VPS26C: variants seen among roughly 807,000 people sequenced by gnomAD.
VPS26C encodes vacuolar protein sorting-associated protein 26C.
A neutral mutation model predicts 30.6 loss-of-function variants in VPS26C; 19 were observed. The ratio of observed to expected loss-of-function variants is 0.62; its 90% CI spans 0.43 to 0.91. VPS26C has a LOEUF of 0.91. Among genes scored for constraint, VPS26C ranks in the 40% least tolerant of loss-of-function variants. The pLI is 0.00. For synonymous variants in VPS26C, 132 were observed against 151.5 expected, an observed-to-expected ratio of 0.87 and a Z score of 0.95; for missense variants, 318 against 385.1, an observed-to-expected ratio of 0.83 and a Z score of 1.46.
At chr21:37,255,487 C>T (rs558155209) in intron 1 of VPS26C, among the ~76,000 whole-genome samples, 7 of 152,146 alleles carry the variant, frequency 4.6e-5, no homozygotes, top group Admixed American at 1.3e-4. Flanking sequence ...ACCTGCCCAA[C>T]GGATCAGAGC....
chr21:37,248,408 A>G (rs1313361367), intron 1 of VPS26C, among the ~76,000 whole-genome samples: 1 of 152,160 alleles, frequency 6.6e-6, no homozygotes, highest in African/African-American at 2.4e-5. Flanking sequence ...CAAATATCCA[A>G]AATAAGAAAT....
At chr21:37,229,763 T>C (rs568551040) in intron 5 of VPS26C, among the ~76,000 whole-genome samples, 1 of 152,348 alleles carries the variant, frequency 6.6e-6, no homozygotes, top group South Asian at 2.1e-4. Context: ...GGTGGCCACC[T>C]GATCAGGCAG....
chr21:37,251,294 C>T (rs866574058), intron 1 of VPS26C, among the ~76,000 whole-genome samples: 1 of 152,046 alleles, frequency 6.6e-6, no homozygotes, highest in African/African-American at 2.4e-5. Context: ...AAAAGATGGT[C>T]GACAAACTAA....
chr21:37,235,881 T>TATA (rs1569233819), intron 3 of VPS26C, among the ~76,000 whole-genome samples: 19 of 139,668 alleles, frequency 1.4e-4, no homozygotes, highest in South Asian at 2.2e-4. Context: ...ATATATATAT[T>TATA]TTTTTTTTTA....
At chr21:37,249,969 A>G (rs994679580) in intron 1 of VPS26C, among the ~76,000 whole-genome samples, 2 of 152,208 alleles carry the variant, frequency 1.3e-5, no homozygotes, top group South Asian at 2.1e-4. Context: ...GGAATATTCA[A>G]TAAGTGATAC....
chr21:37,262,328 G>C (rs1009068000), intron 1 of VPS26C, among the ~76,000 whole-genome samples: 1 of 152,194 alleles, frequency 6.6e-6, no homozygotes, highest in African/African-American at 2.4e-5. Context: ...TTAACACTCA[G>C]TTTTCAAAAC....
Position 37,224,297 on chromosome 21 carries a change from C to T in VPS26C, c.*1247G>A, listed in dbSNP as rs2085876703. 1 of 152,176 alleles carries T rather than the reference C, an allele frequency of 6.6e-6. No homozygotes were observed. Among genetic ancestry groups the T allele is most frequent in the African/African-American group, 2.4e-5 (1 of 41,390 alleles). 9.4% of individuals were successfully genotyped at this position (152,176 alleles called of 1,614,324 possible). On this transcript the variant is annotated 3_prime_UTR_variant, in exon 8 of 8. Coordinates refer to ENST00000309117, the MANE Select transcript of VPS26C (RefSeq NM_006052.2). ...CTGTAATCTCAGCACTTTGGGAGGC[C>T]AAGACAGGAGGATCACTTGAGTCTA...
At chr21:37,254,645 T>C (rs1569240364) in intron 1 of VPS26C, among the ~76,000 whole-genome samples, 1 of 152,032 alleles carries the variant, frequency 6.6e-6, no homozygotes, top group Non-Finnish European at 1.5e-5. Context: ...ACCCCATCTC[T>C]ACTAAAAATA....
Position 37,223,796 on chromosome 21 carries a change from C to T in VPS26C, c.*1748G>A, listed in dbSNP as rs1007287361. On this transcript the variant is annotated 3_prime_UTR_variant, in exon 8 of 8. Coordinates refer to ENST00000309117, the MANE Select transcript of VPS26C (RefSeq NM_006052.2). ...TGTCACCAAACACTGTTTCAGGATA[C>T]TGGAAGTACATACAGCTTGGGAGGT... The T allele has an allele frequency of 6.6e-6, 1 of 152,236 alleles. No homozygotes were observed. The highest frequency in any genetic ancestry group is 1.5e-5 in the Non-Finnish European group (1 of 68,046). The allele number at this position is 152,236 out of a possible 1,614,324, so 9.4% of individuals were successfully genotyped here. A position where few individuals can be genotyped will look rare whatever the true frequency, so the allele number is the denominator to read the frequency against.
chr21:37,234,833 C>T (rs2086002937), intron 3 of VPS26C, among the ~76,000 whole-genome samples: 2 of 151,882 alleles, frequency 1.3e-5, no homozygotes, highest in South Asian at 2.1e-4. Context: ...AATATATATA[C>T]AATATATATA....
At chr21:37,238,202 C>G in intron 3 of VPS26C, 1 of 450,968 alleles carries the variant, frequency 2.2e-6, no homozygotes. Context: ...TGTGAGGTGG[C>G]CTGAAAAGAG....
Position 37,228,363 on chromosome 21 carries a change from A to C in VPS26C, c.518T>G (p.Leu173Arg). The C allele has an allele frequency of 6.2e-7, 1 of 1,614,152 alleles. No individual in the cohort carries two copies. Among genetic ancestry groups the C allele is most frequent in the Admixed American group, 1.7e-5 (1 of 60,034 alleles). ...TLQNVKERAL[L>R]PKFLLRGHLN... ...ATGTCCTCGAAGGAGAAATTTGGGA[A>C]GCAAAGCTCTCTAAAACAAAATGAA... The change falls in exon 6 of 8, where the codon CTT (leucine) becomes CGT (arginine). Residue 173 changes from leucine to arginine, a missense_variant. Transcript: ENST00000309117.
intron 5 of VPS26C, chr21:37,231,957 CCT>C (rs2085969307): frequency 1.1e-5 from 2 of 180,098 alleles, no homozygotes; most frequent in Admixed American, 1.1e-4. Flanking sequence ...TGCTGCCCGG[CCT>C]CTGTCTGATG....
chr21:37,229,098 T>A (rs2085935187), intron 5 of VPS26C: 1 of 152,140 alleles, frequency 6.6e-6, no homozygotes, highest in Non-Finnish European at 1.5e-5. Flanking sequence ...TTCATGGAAA[T>A]TTGAAGAAAA....
Position 37,225,514 on chromosome 21 carries a change from C to T in VPS26C, c.*30G>A. 2 of 1,600,298 alleles carry T rather than the reference C, an allele frequency of 1.2e-6. No homozygotes were observed. The highest frequency in any genetic ancestry group is 2.2e-5 in the East Asian group (1 of 44,810). ...AACCAGCTGGATTTCCAGATGGCCA[C>T]TCCCGTTCTCTATGCTTCCCTCCTC... On this transcript the variant is annotated 3_prime_UTR_variant, in exon 8 of 8. Coordinates refer to ENST00000309117, the MANE Select transcript of VPS26C (RefSeq NM_006052.2).
At chr21:37,267,394 T>A, upstream of VPS26C, 4 of 1,106,284 alleles carry the variant, frequency 3.6e-6, no homozygotes, top group East Asian at 9.5e-5. Context: ...CCTTTCCCTC[T>A]CTGCCGGCAG....
chr21:37,227,412 G>A, intron 7 of VPS26C: 1 of 527,698 alleles, frequency 1.9e-6, no homozygotes, highest in East Asian at 3.1e-5. Context: ...ATGTGACAGT[G>A]GAAGTCCCAC....
intron 1 of VPS26C, among the ~76,000 whole-genome samples, chr21:37,264,946 T>G (rs1440458728): frequency 6.6e-6 from 1 of 152,222 alleles, no homozygotes. Context: ...GGAATATTAT[T>G]CAGCCACAGA....
At chr21:37,243,283 C>A (rs932920195) in intron 1 of VPS26C, among the ~76,000 whole-genome samples, 1 of 152,104 alleles carries the variant, frequency 6.6e-6, no homozygotes, top group Non-Finnish European at 1.5e-5. Flanking sequence ...CAACTGGGGG[C>A]CGTGACTACA....
Sources: allele counts gnomAD v4.1 joint callset (sites outside exome capture counted in the v4.1 genomes callset), GRCh38; gene constraint gnomAD v4.1.1; transcripts MANE v1.5; gene names NCBI Gene and HGNC (gene_info 2026-07-23, HGNC 2026-07-21).